IL18BP: variants seen among roughly 807,000 people sequenced by gnomAD.
The protein encoded by IL18BP is interleukin 18 binding protein.
IL18BP carries 23 observed loss-of-function variants against 19.9 expected under a neutral mutation model. That is an observed-to-expected ratio of 1.15 (90% CI 0.83 to 1.64). The LOEUF (loss-of-function observed/expected upper bound fraction) is 1.64, where lower values mean the gene tolerates loss of function less well. Among genes scored for constraint, IL18BP ranks in the 40% most tolerant of loss-of-function variants. The probability of loss-of-function intolerance (pLI) is 0.00; values close to 1 mark genes in which losing one functional copy is unlikely to be tolerated. For missense variants in IL18BP, 239 were observed against 240.7 expected (o/e 0.99, Z 0.05); for synonymous variants, 107 against 101.0 (o/e 1.06, Z -0.35).
At position 72,001,517 on chromosome 11, in the gene IL18BP, G is replaced by C. The variant is rs1955236020; in HGVS notation, c.472G>C (p.Val158Leu). The C allele has an allele frequency of 3.7e-6, 6 of 1,613,658 alleles. No homozygotes were observed. Among genetic ancestry groups the C allele is most frequent in the Non-Finnish European group, 5.1e-6 (6 of 1,179,842 alleles). The change falls in exon 5 of 6, where the codon GTT (valine) becomes CTT (leucine). Residue 158 changes from valine to leucine, a missense_variant. By Grantham distance (32) the Val-to-Leu change is conservative (BLOSUM62 1). Transcript: ENST00000393703. ...CTGTGTGCTCGTGGACCCTGAACAG[G>C]TTGTCCAGCGTCACGTCGTCCTGGC... is the stretch of plus-strand genomic sequence containing the variant. Reference protein sequence around the residue: ...FSCVLVDPEQVVQRHVVLAQL... With the variant: ...FSCVLVDPEQLVQRHVVLAQL...
In IL18BP at chr11:72,002,157, T is replaced by C. The variant is rs1955290738; in HGVS notation, c.*296T>C. 2 of 486,666 alleles carry C rather than the reference T, an allele frequency of 4.1e-6. No homozygotes were observed. The highest frequency in any genetic ancestry group is 3.8e-5 in the African/African-American group (2 of 51,964). The allele number at this position is 486,666 out of a possible 1,614,324, so 30.1% of individuals were successfully genotyped here. On this transcript the variant is annotated 3_prime_UTR_variant, in exon 6 of 6. Transcript: ENST00000393703. ...TACTGCTCAGAAACCACCAAGACTG[T>C]TGATGCCTTAGCCTTGCACTCCAGG...
chr11:72,003,221 C>A (rs1955381698), downstream of IL18BP: 1 of 462,294 alleles, frequency 2.2e-6, no homozygotes. Flanking sequence ...GGCCCAAGGA[C>A]CCAGCCATCA....
At chr11:72,005,634 T>G, downstream of IL18BP, 1 of 519,488 alleles carries the variant, frequency 1.9e-6, no homozygotes. Flanking sequence ...CAAGGCTTGG[T>G]GGCCAACACC....
chr11:72,003,551 C>T (rs1428032433), downstream of IL18BP: 3 of 1,614,170 alleles, frequency 1.9e-6, no homozygotes, highest in Admixed American at 1.7e-5. Context: ...GAAAGAGACA[C>T]AGTCACATGG....
At chr11:72,003,738 G>C (rs1400522280), downstream of IL18BP, 3 of 1,012,494 alleles carry the variant, frequency 3.0e-6, no homozygotes, top group Non-Finnish European at 4.5e-6. Context: ...TCTCTCCTTG[G>C]AGAGGAGCTA....
At chr11:72,004,746 C>T (rs754124730), downstream of IL18BP, 35 of 1,611,470 alleles carry the variant, frequency 2.2e-5, no homozygotes, top group South Asian at 2.0e-4. Flanking sequence ...CATGCTGGCT[C>T]GGCGCAGGGT....
At chr11:72,007,518 C>T (rs542693757), downstream of IL18BP, 83 of 1,522,094 alleles carry the variant, frequency 5.5e-5, no homozygotes, top group African/African-American at 8.8e-4. Context: ...GACCATTTCC[C>T]ATCCTTACTA....
intron 2 of IL18BP, 57 bp downstream of exon 2, chr11:72,000,069 T>C (rs1337712654): frequency 1.3e-5 from 21 of 1,583,956 alleles, no homozygotes; most frequent in Non-Finnish European, 1.8e-5. Context: ...ATGAACAGAA[T>C]GGAGCAATGG....
chr11:72,001,737 G>A (rs1385052823), intron 5 of IL18BP, 47 bp from the exon 6 acceptor site: 1 of 1,613,756 alleles, frequency 6.2e-7, no homozygotes, highest in Non-Finnish European at 8.5e-7. Context: ...GTGATGAGAT[G>A]TCCCTCCTTT....
At chr11:72,006,380 G>A, downstream of IL18BP, 1 of 818,068 alleles carries the variant, frequency 1.2e-6, no homozygotes, top group Non-Finnish European at 1.9e-6. Flanking sequence ...CAACTGCTTT[G>A]CAAAGGTCCT....
At chr11:72,003,971 G>T (rs770651855), downstream of IL18BP, 1 of 1,613,354 alleles carries the variant, frequency 6.2e-7, no homozygotes, top group Non-Finnish European at 8.5e-7. Flanking sequence ...GAGAACGGCG[G>T]GTTCCACTGC....
chr11:72,004,313 C>A, downstream of IL18BP: 1 of 1,613,092 alleles, frequency 6.2e-7, no homozygotes, highest in Non-Finnish European at 8.5e-7. Flanking sequence ...AGTCATGGGG[C>A]GTGGGAAACA....
At position 72,002,219 on chromosome 11, in the gene IL18BP, C is replaced by T. The variant is rs925586412; in HGVS notation, c.*358C>T. The T allele has an allele frequency of 4.0e-5, 12 of 297,884 alleles. No homozygotes were observed. In the Admixed American group the frequency reaches 4.2e-4, roughly 10 times the overall value. 18.5% of individuals were successfully genotyped at this position (297,884 alleles called of 1,614,324 possible). A position where few individuals can be genotyped will look rare whatever the true frequency, so the allele number is the denominator to read the frequency against. ...ATTTCCCACATGACTTTCTGGAAGC[C>T]TCCCAACTATTCTTGCTTTTCCCAG... On this transcript the variant is annotated 3_prime_UTR_variant, in exon 6 of 6. Transcript: ENST00000393703.
chr11:72,001,497 T>C lies in IL18BP; in HGVS notation c.452T>C (p.Val151Ala), dbSNP rs1308522426. ...PALHSTNFSC[V>A]LVDPEQVVQR... is the part of the protein sequence containing the mutation. ...CTGCACAGCACCAACTTCTCCTGTG[T>C]GCTCGTGGACCCTGAACAGGTTGTC... is the stretch of plus-strand genomic sequence containing the variant. The change falls in exon 5 of 6, where the codon GTG (valine) becomes GCG (alanine). Residue 151 changes from valine (V) to alanine (A), a missense_variant. Coordinates refer to ENST00000393703, the MANE Select transcript of IL18BP (RefSeq NM_001039660.2). The C allele has an allele frequency of 1.2e-6, 2 of 1,613,934 alleles. No individual in the cohort carries two copies. Among genetic ancestry groups the C allele is most frequent in the African/African-American group, 1.3e-5 (1 of 74,934 alleles).
intron 3 of IL18BP, among the ~76,000 whole-genome samples, chr11:72,000,844 C>T (rs1209068214): frequency 2.0e-5 from 3 of 152,222 alleles, no homozygotes; most frequent in Non-Finnish European, 2.9e-5. Flanking sequence ...CCACCCAGAG[C>T]CTGCTGGCCT....
chr11:72,000,681 A>G, intron 3 of IL18BP, 124 bp downstream of exon 3: 2 of 759,096 alleles, frequency 2.6e-6, no homozygotes, highest in Non-Finnish European at 4.4e-6. Context: ...CTGAGCACGC[A>G]CCATTCTCCC....
downstream of IL18BP, chr11:72,004,382 A>G (rs749748795): frequency 6.4e-7 from 1 of 1,558,556 alleles, no homozygotes; most frequent in Non-Finnish European, 8.8e-7. Flanking sequence ...TAGCAAGAGG[A>G]GTCACATCTG....
chr11:72,003,579 A>G, downstream of IL18BP: 4 of 1,613,664 alleles, frequency 2.5e-6, no homozygotes, highest in Non-Finnish European at 3.4e-6. Flanking sequence ...AGAACTTGCG[A>G]TACTAGCCTG....
downstream of IL18BP, chr11:72,003,836 G>A (rs376053781): frequency 9.5e-5 from 150 of 1,579,868 alleles, no homozygotes; most frequent in Non-Finnish European, 1.3e-4. Context: ...GGTCTGGGGG[G>A]TGCCCATGCT....
Sources: gnomAD v4.1 joint callset for allele counts (sites outside exome capture counted in the v4.1 genomes callset) on GRCh38, gnomAD v4.1.1 for gene constraint, MANE v1.5 for transcripts, NCBI Gene and HGNC (gene_info 2026-07-23, HGNC 2026-07-21) for gene names.